Variants in ZNF821 observed in about 807,000 individuals in gnomAD.
ZNF821 encodes the protein zinc finger protein 821.
In ZNF821, 16 loss-of-function variants were observed where a neutral mutation model predicts 44.3. The ratio of observed to expected loss-of-function variants is 0.36; its 90% CI spans 0.24 to 0.55. ZNF821 has a LOEUF of 0.55. ZNF821 is among the 20% of genes least tolerant of loss of function. ZNF821 has a pLI of 0.86. For synonymous variants in ZNF821, 204 were observed against 197.6 expected (o/e 1.03, Z -0.27); for missense variants, 436 against 547.6 (o/e 0.80, Z 2.03).
At chr16:71,882,678 C>G (rs2036554395) in intron 2 of ZNF821, among the ~76,000 whole-genome samples, 1 of 152,092 alleles carries the variant, frequency 6.6e-6, no homozygotes, top group Admixed American at 6.6e-5. Context: ...TCCCACACAA[C>G]GAAACGAAAA....
intron 3 of ZNF821, among the ~76,000 whole-genome samples, chr16:71,874,017 G>A (rs556351559): frequency 6.9e-6 from 1 of 145,544 alleles, no homozygotes; most frequent in African/African-American, 2.6e-5. Context: ...GGAGTGCAAT[G>A]GCGCGACCTT....
chr16:71,881,316 C>A (rs2036400564), intron 2 of ZNF821: 1 of 152,122 alleles, frequency 6.6e-6, no homozygotes, highest in Non-Finnish European at 1.5e-5. Flanking sequence ...CCTCCCCTTA[C>A]CAAAAGAATA....
At chr16:71,889,111 T>C (rs2036872613), upstream of ZNF821, among the ~76,000 whole-genome samples, 1 of 152,122 alleles carries the variant, frequency 6.6e-6, no homozygotes, top group South Asian at 2.1e-4. Flanking sequence ...TAGCCAGGCA[T>C]GGTGGCATGT....
exon 1 of ZNF821, chr16:71,895,086 C>T: frequency 2.5e-6 from 1 of 400,168 alleles, no homozygotes; most frequent in Non-Finnish European, 4.6e-6. Flanking sequence ...GAAACCCCCT[C>T]GGCCGCTCCA....
At chr16:71,880,062 C>T (rs970513361) in intron 2 of ZNF821, 39 bp from the exon 3 acceptor site, 2 of 947,354 alleles carry the variant, frequency 2.1e-6, no homozygotes, top group Middle Eastern at 2.2e-4. Flanking sequence ...ATGTCATTTT[C>T]CCCAGCAGTT....
intron 3 of ZNF821, among the ~76,000 whole-genome samples, chr16:71,868,246 A>G (rs1488883909): frequency 6.6e-6 from 1 of 152,230 alleles, no homozygotes; most frequent in Non-Finnish European, 1.5e-5. Flanking sequence ...AGACAGCATC[A>G]CTTGCTCCTC....
chr16:71,868,035 C>T lies in ZNF821; in HGVS notation c.43G>A (p.Asp15Asn). ...KQTNPNKVHW[D>N]QVFAGLEEQA... Reference sequence around the variant, plus strand: ...TCTTCTAGCCCAGCAAATACTTGATCCCCTGGTGGTCACAAGGAAAAATAG... The same window carrying T: ...TCTTCTAGCCCAGCAAATACTTGATTCCCTGGTGGTCACAAGGAAAAATAG... Residue 15 changes from aspartate to asparagine, a missense_variant and splice_region_variant, in exon 4 of 8, where the codon GAT becomes AAT. This residue lies in a region of ZNF821 where 238 missense variants were observed against 281.4 expected (regional missense o/e 0.85). Transcript: ENST00000425432. The T allele has an allele frequency of 2.0e-6, 3 of 1,534,762 alleles. No homozygotes were observed. Among genetic ancestry groups the T allele is most frequent in the East Asian group, 2.4e-5 (1 of 40,896 alleles).
chr16:71,878,247 G>A (rs1314354886), intron 3 of ZNF821, among the ~76,000 whole-genome samples: 1 of 151,324 alleles, frequency 6.6e-6, no homozygotes, highest in Non-Finnish European at 1.5e-5. Context: ...GAGTAGCTGG[G>A]ATTATAGGTG....
At position 71,860,785 on chromosome 16, in the gene ZNF821, G is replaced by C. The variant is rs973740621; in HGVS notation, c.585-113C>G. ...AGTGGCTCCACGCTCACCACAAGGG[G>C]TCAGTTTGAATGCTTGGTGGACCTC... On this transcript the variant is annotated intron_variant, in intron 7 of 7. Coordinates refer to ENST00000425432, the MANE Select transcript of ZNF821 (RefSeq NM_001201552.2). This position sits in a 1 kb window ranked among gnomAD's most constrained non-coding sequence, Gnocchi z 7.3. 2.7e-6 allele frequency: 3 copies of C among 1,094,430 alleles called. No individual in the cohort carries two copies. In the African/African-American group the frequency reaches 4.8e-5, roughly 17 times the overall value. 67.8% of individuals were successfully genotyped at this position (1,094,430 alleles called of 1,614,324 possible). A position where few individuals can be genotyped will look rare whatever the true frequency, so the allele number is the denominator to read the frequency against.
At chr16:71,879,043 A>G (rs553215787) in intron 3 of ZNF821, among the ~76,000 whole-genome samples, 3 of 152,282 alleles carry the variant, frequency 2.0e-5, no homozygotes, top group East Asian at 3.9e-4. Context: ...CCATCCCACA[A>G]ATTGCTTCAT....
At position 71,874,825 on chromosome 16, in the gene ZNF821, G is replaced by GGA. The variant is rs1455063592; in HGVS notation, c.40+5081_40+5082insTC. On this transcript the variant is annotated intron_variant, in intron 3 of 7. Coordinates refer to ENST00000425432, the MANE Select transcript of ZNF821 (RefSeq NM_001201552.2). ...TTTAGTTGGTTCTATTTCACTGCAA[G>GGA]GTGATAGGAGACTCACATGGTCAGA... Among the ~76,000 whole-genome samples the GGA allele has an allele frequency of 2.0e-5, 3 of 152,164 alleles. No homozygotes were observed. The East Asian group carries it at 5.8e-4, about 29-fold the overall frequency.
chr16:71,861,016 C>G (rs1381669833), intron 7 of ZNF821, among the ~76,000 whole-genome samples: 1 of 152,124 alleles, frequency 6.6e-6, no homozygotes, highest in Admixed American at 6.5e-5. Context: ...CCACCACGCC[C>G]GGCTAATTTT....
intron 3 of ZNF821, among the ~76,000 whole-genome samples, chr16:71,870,140 A>G (rs1457909117): frequency 6.6e-6 from 1 of 152,224 alleles, no homozygotes; most frequent in Non-Finnish European, 1.5e-5. Flanking sequence ...GTATATGATC[A>G]AAAGACAAAT....
At chr16:71,871,668 T>C (rs1316608171) in intron 3 of ZNF821, among the ~76,000 whole-genome samples, 1 of 152,170 alleles carries the variant, frequency 6.6e-6, no homozygotes, top group Non-Finnish European at 1.5e-5. Context: ...CTCTGGTCCC[T>C]AGATATTAAT....
upstream of ZNF821, chr16:71,885,500 G>C (rs1248880054): frequency 1.3e-5 from 2 of 152,204 alleles, no homozygotes; most frequent in Admixed American, 1.3e-4. Context: ...ATGGCTAAAA[G>C]CATCATGCAA....
At chr16:71,861,204 CA>C (rs1439904797) in intron 7 of ZNF821, among the ~76,000 whole-genome samples, 2 of 152,208 alleles carry the variant, frequency 1.3e-5, no homozygotes, top group Non-Finnish European at 2.9e-5. Flanking sequence ...AGCCACCTGC[CA>C]CAGCAATGCA....
intron 3 of ZNF821, among the ~76,000 whole-genome samples, chr16:71,879,105 C>T (rs1314148073): frequency 6.6e-6 from 1 of 152,094 alleles, no homozygotes; most frequent in Non-Finnish European, 1.5e-5. Flanking sequence ...TGCTTAAAAA[C>T]CTTCAGTAGT....
intron 3 of ZNF821, among the ~76,000 whole-genome samples, chr16:71,875,401 T>G (rs1489947340): frequency 6.6e-6 from 1 of 151,866 alleles, no homozygotes; most frequent in African/African-American, 2.4e-5. Flanking sequence ...CCCGTGTTAG[T>G]CTCCTGAGTA....
rs1246805595 is a variant in ZNF821, at chr16:71,861,871, C to T, written c.489G>A (p.Gly163=). The T allele has an allele frequency of 3.1e-6, 5 of 1,614,152 alleles. No individual in the cohort carries two copies. Among genetic ancestry groups the T allele is most frequent in the Admixed American group, 1.7e-5 (1 of 60,022 alleles). ...GGATTAAGAGGTGGCGACCCAATGA[C>T]CCCGGGGAGCTAAGGGCCCGGCCAC... The part of the protein sequence containing the change: ...PVCGRALSSP[G]SLGRHLLIHS... Residue 163 remains glycine (G), a synonymous_variant, in exon 7 of 8, where the codon GGG becomes GGA. Transcript: ENST00000425432.
Sources: gnomAD v4.1 joint callset for allele counts (sites outside exome capture counted in the v4.1 genomes callset) on GRCh38, gnomAD v4.1.1 for gene constraint, gnomAD v4.1.1 regional missense constraint, Gnocchi (gnomAD v3.1) non-coding constraint, MANE v1.5 for transcripts, NCBI Gene and HGNC (gene_info 2026-07-23, HGNC 2026-07-21) for gene names.